Variants in GALNT9 observed in about 807,000 individuals in gnomAD.
GALNT9 encodes the protein GalNAc transferase 9.
Under a neutral mutation model 63.1 loss-of-function variants are expected in GALNT9, and 47 were observed. The observed-to-expected ratio is 0.75, with a 90% CI of 0.59 to 0.95. The LOEUF (loss-of-function observed/expected upper bound fraction) is 0.95. Among genes scored for constraint, GALNT9 ranks in the 40% least tolerant of loss-of-function variants. GALNT9 has a pLI of 0.00. For missense variants in GALNT9, 829 were observed against 874.8 expected (o/e 0.95, Z 0.66); for synonymous variants, 396 against 365.7 (o/e 1.08, Z -0.94).
At chr12:132,304,774 C>G (rs1350867831) in intron 1 of GALNT9, among the ~76,000 whole-genome samples, 4 of 53,884 alleles carry the variant, frequency 7.4e-5, no homozygotes, top group Non-Finnish European at 1.4e-4. Flanking sequence ...CACCCTCACC[C>G]GGGCACACCC....
At chr12:132,266,233 AT>A (rs1879592404) in intron 2 of GALNT9, among the ~76,000 whole-genome samples, 1 of 151,868 alleles carries the variant, frequency 6.6e-6, no homozygotes, top group African/African-American at 2.4e-5. Flanking sequence ...ACCTCACCAT[AT>A]TTCATGAATG....
chr12:132,210,691 C>T (rs1253614601), intron 6 of GALNT9, among the ~76,000 whole-genome samples: 1 of 152,202 alleles, frequency 6.6e-6, no homozygotes, highest in Non-Finnish European at 1.5e-5. Context: ...GTGCTGCGGT[C>T]AGGGAAGCTG....
At chr12:132,205,263 G>C (rs1428838968) in intron 6 of GALNT9, 1 of 152,024 alleles carries the variant, frequency 6.6e-6, no homozygotes, top group African/African-American at 2.4e-5. Flanking sequence ...TCCCTTGTGT[G>C]GGGGAGCAGG....
At chr12:132,268,301 A>G (rs1879732585) in intron 2 of GALNT9, among the ~76,000 whole-genome samples, 2 of 152,264 alleles carry the variant, frequency 1.3e-5, no homozygotes, top group South Asian at 4.1e-4. Flanking sequence ...ACACACACGT[A>G]TGCTCTCACA....
At chr12:132,301,939 A>C (rs139352499) in intron 1 of GALNT9, among the ~76,000 whole-genome samples, 3 of 152,212 alleles carry the variant, frequency 2.0e-5, no homozygotes, top group Non-Finnish European at 4.4e-5. Context: ...CCTTCCAACC[A>C]CTAGGTAACA....
At position 132,243,625 on chromosome 12, in the gene GALNT9, C is replaced by T. The variant is rs2136905808; in HGVS notation, c.1077+4285G>A. ...ATTTCTCCCGCCTCTGTCATCCCCT[C>T]AAACTGCTTCTGCATAGCCCCCACT... On this transcript the variant is annotated intron_variant, in intron 6 of 10. Coordinates refer to ENST00000328957, the MANE Select transcript of GALNT9 (RefSeq NM_001122636.2). Among the ~76,000 whole-genome samples the T allele has an allele frequency of 4.6e-5, 7 of 152,332 alleles. No homozygotes were observed. In the South Asian group the frequency reaches 8.3e-4, roughly 18 times the overall value.
intron 1 of GALNT9, among the ~76,000 whole-genome samples, chr12:132,291,985 T>C (rs1880878448): frequency 6.6e-6 from 1 of 152,170 alleles, no homozygotes; most frequent in African/African-American, 2.4e-5. Flanking sequence ...TCACTCACAG[T>C]ATGCCAGCCA....
At chr12:132,229,628 A>G (rs931476528) in intron 6 of GALNT9, among the ~76,000 whole-genome samples, 9 of 152,290 alleles carry the variant, frequency 5.9e-5, no homozygotes, top group African/African-American at 2.2e-4. Context: ...CCTGTGCCTC[A>G]GCGGGGCCGT....
At chr12:132,271,158 T>C (rs59956613) in intron 2 of GALNT9, among the ~76,000 whole-genome samples, 16,593 of 152,186 alleles carry the variant, frequency 0.11, 2,419 homozygotes, top group African/African-American at 0.34. Context: ...GCAGTGGCCA[T>C]GTGGGGCCAC....
At chr12:132,205,848 C>T (rs960850298) in intron 6 of GALNT9, 2 of 152,216 alleles carry the variant, frequency 1.3e-5, no homozygotes, top group African/African-American at 2.4e-5. Context: ...CCGCCCACCG[C>T]CCTCCCACTC....
chr12:132,265,875 G>A lies in GALNT9; in HGVS notation c.420-3250C>T, dbSNP rs1879574293. ...ACACCCCCAGGTGAGGATTCTATATGTAATGATACATGCAGTGTGTGTTGG... is the reference window on the plus strand; with the variant it reads ...ACACCCCCAGGTGAGGATTCTATATATAATGATACATGCAGTGTGTGTTGG... On this transcript the variant is annotated intron_variant, in intron 2 of 10. Coordinates refer to ENST00000328957, the MANE Select transcript of GALNT9 (RefSeq NM_001122636.2). The surrounding 1 kb of genome is among the most constrained non-coding windows in gnomAD (Gnocchi z 5.3). 6.6e-6 allele frequency among the ~76,000 whole-genome samples: 1 copy of A among 152,252 alleles called. No individual in the cohort carries two copies. The highest frequency in any genetic ancestry group is 1.5e-5 in the Non-Finnish European group (1 of 68,048).
chr12:132,244,208 G>T (rs2136906341), intron 6 of GALNT9, among the ~76,000 whole-genome samples: 9 of 134,388 alleles, frequency 6.7e-5, no homozygotes, highest in African/African-American at 2.6e-4. Flanking sequence ...GGAGCTGGGG[G>T]ACTGGAAAGC....
chr12:132,318,267 TG>T (rs1475319116), intron 1 of GALNT9, among the ~76,000 whole-genome samples: 2 of 152,182 alleles, frequency 1.3e-5, no homozygotes, highest in Non-Finnish European at 2.9e-5. Context: ...CAGGCAAGCG[TG>T]GGCGGCAGGA....
intron 6 of GALNT9, among the ~76,000 whole-genome samples, chr12:132,222,379 G>A (rs1253430160): frequency 3.1e-4 from 47 of 151,948 alleles, no homozygotes; most frequent in South Asian, 2.1e-4. Flanking sequence ...GGAGTTCAAG[G>A]CCAGCCTGGG....
In GALNT9 at chr12:132,196,454, G is replaced by A; in HGVS notation, c.*653C>T. On this transcript the variant is annotated 3_prime_UTR_variant, in exon 11 of 11. Transcript: ENST00000328957. The stretch of plus-strand genomic sequence containing the variant: ...GCAGGGCCCAGGTGCCTGGGAAAGA[G>A]GTGGGACCGGGCCCCAACCCCCAGC... 1 of 985,552 alleles carries A rather than the reference G, an allele frequency of 1.0e-6. No individual in the cohort carries two copies. Among genetic ancestry groups the A allele is most frequent in the South Asian group, 4.7e-5 (1 of 21,294 alleles). The allele number at this position is 985,552 out of a possible 1,614,324, so 61.1% of individuals were successfully genotyped here. A position where few individuals can be genotyped will look rare whatever the true frequency, so the allele number is the denominator to read the frequency against.
chr12:132,201,413 A>ATC, intron 7 of GALNT9, 152 bp from the exon 8 acceptor site: 1 of 588,356 alleles, frequency 1.7e-6, no homozygotes, highest in South Asian at 2.0e-5. Flanking sequence ...TCCAGTTGGG[A>ATC]CCCCCCAGCC....
intron 6 of GALNT9, among the ~76,000 whole-genome samples, chr12:132,237,402 C>A (rs2136895376): frequency 6.6e-6 from 1 of 151,874 alleles, no homozygotes; most frequent in South Asian, 2.1e-4. Context: ...GGTGCTCACA[C>A]CTGCCCAAAC....
chr12:132,309,452 T>C (rs1881735919), intron 1 of GALNT9, among the ~76,000 whole-genome samples: 1 of 151,888 alleles, frequency 6.6e-6, no homozygotes, highest in Non-Finnish European at 1.5e-5. Context: ...GATGTGGGAG[T>C]AAGGTCTTTC....
At chr12:132,198,234 G>A (rs915767695) in intron 9 of GALNT9, among the ~76,000 whole-genome samples, 6 of 152,240 alleles carry the variant, frequency 3.9e-5, no homozygotes, top group African/African-American at 1.2e-4. Flanking sequence ...TCATGAATGT[G>A]GCTCAGACCC....
Sources: allele counts gnomAD v4.1 joint callset (sites outside exome capture counted in the v4.1 genomes callset), GRCh38; gene constraint gnomAD v4.1.1; non-coding constraint Gnocchi (gnomAD v3.1); transcripts MANE v1.5; gene names NCBI Gene and HGNC (gene_info 2026-07-23, HGNC 2026-07-21).